KLHL29: variants seen among roughly 807,000 people sequenced by gnomAD.
The protein encoded by KLHL29 is kelch like family member 29.
Under a neutral mutation model 80.4 loss-of-function variants are expected in KLHL29, and 21 were observed. The observed-to-expected ratio is 0.26, with a 90% CI of 0.19 to 0.38. The LOEUF is 0.38. KLHL29 is among the 10% of genes least tolerant of loss of function. The pLI is 1.00. For missense variants in KLHL29, 867 were observed against 1,223.9 expected, an observed-to-expected ratio of 0.71 and a Z score of 4.35; for synonymous variants, 511 against 526.8, an observed-to-expected ratio of 0.97 and a Z score of 0.41.
rs1284859779 is a variant in KLHL29, at chr2:23,503,761, G to A, written c.-46+28094G>A. On this transcript the variant is annotated intron_variant, in intron 2 of 13. Transcript: ENST00000486442. This position sits in a 1 kb window ranked among gnomAD's most constrained non-coding sequence, Gnocchi z 4.0. ...ACCGGCAGCAGCTGCCAGCGAAGGA[G>A]GAAGGAAACACAGACAGGAGGTCTC... 2.6e-5 allele frequency among the ~76,000 whole-genome samples: 4 copies of A among 152,222 alleles called. No individual in the cohort carries two copies. Among genetic ancestry groups the A allele is most frequent in the African/African-American group, 4.8e-5 (2 of 41,446 alleles).
intron 3 of KLHL29, among the ~76,000 whole-genome samples, chr2:23,616,072 G>A (rs1668996040): frequency 6.6e-6 from 1 of 152,156 alleles, no homozygotes; most frequent in Non-Finnish European, 1.5e-5. Context: ...GGACCTATGG[G>A]TCCTGGCCTG....
intron 2 of KLHL29, among the ~76,000 whole-genome samples, chr2:23,486,176 A>G (rs1382761372): frequency 6.6e-6 from 1 of 152,118 alleles, no homozygotes; most frequent in Non-Finnish European, 1.5e-5. Context: ...TCCATAGGCC[A>G]CAGCAGAGGG....
intron 1 of KLHL29, among the ~76,000 whole-genome samples, chr2:23,445,451 C>T (rs1170848436): frequency 6.6e-6 from 1 of 152,194 alleles, no homozygotes; most frequent in Non-Finnish European, 1.5e-5. Context: ...CAAGGCCATC[C>T]TCTTTGTCCA....
At position 23,684,330 on chromosome 2, in the gene KLHL29, CT is replaced by C; in HGVS notation, c.941-62del. On this transcript the variant is annotated intron_variant, in intron 5 of 13. Coordinates refer to ENST00000486442, the MANE Select transcript of KLHL29 (RefSeq NM_052920.2). This position sits in a 1 kb window ranked among gnomAD's most constrained non-coding sequence, Gnocchi z 4.4. ...CTACTTCTTGAAAAAAGAAAAAAAA[CT>C]TTTTTTAATTAAAAAAAAAAAAACT... 1 of 1,205,830 alleles carries C rather than the reference CT, an allele frequency of 8.3e-7. No homozygotes were observed. The highest frequency in any genetic ancestry group is 1.1e-6 in the Non-Finnish European group (1 of 925,730). The allele number at this position is 1,205,830 out of a possible 1,614,324, so 74.7% of individuals were successfully genotyped here.
chr2:23,426,242 C>T (rs1431043130), intron 1 of KLHL29, among the ~76,000 whole-genome samples: 1 of 152,198 alleles, frequency 6.6e-6, no homozygotes, highest in Admixed American at 6.5e-5. Context: ...TTTTGTGACC[C>T]TCCTGCAGGA....
intron 3 of KLHL29, among the ~76,000 whole-genome samples, chr2:23,621,398 G>A (rs534186997): frequency 1.2e-3 from 177 of 152,330 alleles, no homozygotes; most frequent in Admixed American, 3.7e-3. Context: ...TCCTGAGCAC[G>A]TTTGGCAATG....
chr2:23,390,065 C>T (rs747910181), intron 1 of KLHL29, among the ~76,000 whole-genome samples: 2 of 152,158 alleles, frequency 1.3e-5, no homozygotes, highest in Non-Finnish European at 2.9e-5. Context: ...TTCCTACAAC[C>T]GCCACAGGCT....
chr2:23,387,247 C>T lies in KLHL29; in HGVS notation c.-154+1467C>T, dbSNP rs542619948. On this transcript the variant is annotated intron_variant, in intron 1 of 13. Coordinates refer to ENST00000486442, the MANE Select transcript of KLHL29 (RefSeq NM_052920.2). ...CCACTTCGGCAGCTCAGCGGCATCCCGGCCCGCTGCTGCAGGTTCCAGCCT... is the reference window on the plus strand; with the variant it reads ...CCACTTCGGCAGCTCAGCGGCATCCTGGCCCGCTGCTGCAGGTTCCAGCCT... Among the ~76,000 whole-genome samples, 101 of 152,352 alleles carry T rather than the reference C, an allele frequency of 6.6e-4. 1 individual carries two copies. Among genetic ancestry groups the T allele is most frequent in the South Asian group, 3.7e-3 (18 of 4,830 alleles).
At chr2:23,631,042 A>G (rs1572451840) in intron 3 of KLHL29, among the ~76,000 whole-genome samples, 1 of 152,198 alleles carries the variant, frequency 6.6e-6, no homozygotes, top group African/African-American at 2.4e-5. Flanking sequence ...GTATTTACAG[A>G]TGACCCTTGG....
chr2:23,601,929 G>A (rs1048088076), intron 3 of KLHL29, among the ~76,000 whole-genome samples: 1 of 152,212 alleles, frequency 6.6e-6, no homozygotes, highest in Admixed American at 6.5e-5. Flanking sequence ...AATAGCTGCT[G>A]CTTTGATATC....
intron 2 of KLHL29, among the ~76,000 whole-genome samples, chr2:23,560,214 A>C (rs538249051): frequency 7.8e-4 from 117 of 150,864 alleles, no homozygotes; most frequent in African/African-American, 2.8e-3. Flanking sequence ...ATGTGGGGAG[A>C]TCAAAAGGGA....
chr2:23,640,310 T>C (rs143884686), intron 4 of KLHL29, among the ~76,000 whole-genome samples: 148 of 152,332 alleles, frequency 9.7e-4, no homozygotes, highest in African/African-American at 3.4e-3. Flanking sequence ...TGCTGGGAGC[T>C]TGGCGACATA....
At chr2:23,393,196 G>A (rs765868994) in intron 1 of KLHL29, among the ~76,000 whole-genome samples, 9 of 152,216 alleles carry the variant, frequency 5.9e-5, no homozygotes, top group Non-Finnish European at 1.0e-4. Flanking sequence ...TGGAGAAGGT[G>A]TCAGATAACA....
At chr2:23,615,352 G>A (rs904180619) in intron 3 of KLHL29, among the ~76,000 whole-genome samples, 2 of 152,180 alleles carry the variant, frequency 1.3e-5, no homozygotes, top group African/African-American at 4.8e-5. Context: ...TCCAGAGGAG[G>A]TTGCTGCCTC....
chr2:23,696,189 TC>T lies in KLHL29; in HGVS notation c.1924+60del. 1 of 1,518,208 alleles carries T rather than the reference TC, an allele frequency of 6.6e-7. No homozygotes were observed. Among genetic ancestry groups the T allele is most frequent in the South Asian group, 1.2e-5 (1 of 80,678 alleles). 94.0% of individuals were successfully genotyped at this position (1,518,208 alleles called of 1,614,324 possible). ...GGCATGGGGGTCCCAAGGGGACTGCTCCCCACGTCAGGGCTGAGGAAGGCCA... is the reference window on the plus strand; with the variant it reads ...GGCATGGGGGTCCCAAGGGGACTGCTCCCACGTCAGGGCTGAGGAAGGCCA... On this transcript the variant is annotated intron_variant, in intron 10 of 13. Transcript: ENST00000486442. This position sits in a 1 kb window ranked among gnomAD's most constrained non-coding sequence, Gnocchi z 5.5.
At chr2:23,581,199 T>G (rs1256531675) in intron 3 of KLHL29, among the ~76,000 whole-genome samples, 1 of 152,122 alleles carries the variant, frequency 6.6e-6, no homozygotes, top group African/African-American at 2.4e-5. Flanking sequence ...CAGACACCCC[T>G]TGCACCGTGG....
In KLHL29 at chr2:23,696,545, C is replaced by T. The variant is rs1489188164; in HGVS notation, c.2105+32C>T. On this transcript the variant is annotated intron_variant, in intron 11 of 13. Coordinates refer to ENST00000486442, the MANE Select transcript of KLHL29 (RefSeq NM_052920.2). This position sits in a 1 kb window ranked among gnomAD's most constrained non-coding sequence, Gnocchi z 5.5. ...AGGCCACGGTCAGGACAGGGGCATG[C>T]TCTTTGCTCACCAAGAACTGAAATC... 3 of 1,459,712 alleles carry T rather than the reference C, an allele frequency of 2.1e-6. No individual in the cohort carries two copies. The highest frequency in any genetic ancestry group is 2.7e-6 in the Non-Finnish European group (3 of 1,097,570). The allele number at this position is 1,459,712 out of a possible 1,614,324, so 90.4% of individuals were successfully genotyped here.
intron 1 of KLHL29, among the ~76,000 whole-genome samples, chr2:23,415,310 AGGCAGG>A (rs1243737265): frequency 2.6e-5 from 4 of 152,234 alleles, no homozygotes; most frequent in African/African-American, 4.8e-5. Flanking sequence ...CCTAGACACA[AGGCAGG>A]GGCTCAGGTG....
At chr2:23,673,613 C>T (rs1456368014) in intron 5 of KLHL29, among the ~76,000 whole-genome samples, 1 of 150,308 alleles carries the variant, frequency 6.7e-6, no homozygotes, top group African/African-American at 2.5e-5. Flanking sequence ...ACACCCATAC[C>T]ACCTCCTCTC....
Sources: allele counts gnomAD v4.1 joint callset (sites outside exome capture counted in the v4.1 genomes callset), GRCh38; gene constraint gnomAD v4.1.1; non-coding constraint Gnocchi (gnomAD v3.1); transcripts MANE v1.5; gene names NCBI Gene and HGNC (gene_info 2026-07-23, HGNC 2026-07-21).